AP3B2: variants seen among roughly 807,000 people sequenced by gnomAD.
AP3B2 encodes the protein adaptor related protein complex 3 subunit beta 2.
AP3B2 carries 50 observed loss-of-function variants against 126.9 expected under a neutral mutation model. The observed-to-expected ratio is 0.39, with a 90% CI of 0.31 to 0.50. The LOEUF is 0.50. Among genes scored for constraint, AP3B2 ranks in the 20% least tolerant of loss-of-function variants. AP3B2 has a pLI of 0.79. For synonymous variants in AP3B2, 541 were observed against 565.0 expected, an observed-to-expected ratio of 0.96 and a Z score of 0.60; for missense variants, 1,177 against 1,426.4, an observed-to-expected ratio of 0.83 and a Z score of 2.82.
chr15:82,662,752 C>T lies in AP3B2; in HGVS notation c.2775G>A (p.Leu925=), dbSNP rs1596166115. The T allele has an allele frequency of 6.2e-7, 1 of 1,613,896 alleles. No individual in the cohort carries two copies. ...CAGGCAGTTTGGGAGTGCCCACATG[C>T]AGGCCCTTGATGGGGGTATCAGAGC... The part of the protein sequence containing the change: ...SNSSDTPIKG[L]HVGTPKLPAG... The change falls in exon 23 of 27, where the codon CTG becomes CTA. Residue 925 remains leucine, a synonymous_variant. Coordinates refer to ENST00000535359, the MANE Select transcript of AP3B2 (RefSeq NM_001278512.2).
Position 82,665,221 on chromosome 15 carries a change from G to A in AP3B2, c.2028+26C>T. ...AGGGACACAGACAGGGCAGGGGAGA[G>A]AGCACACGTCACACGAAGGTGGGAC... On this transcript the variant is annotated intron_variant, in intron 17 of 26. Transcript: ENST00000535359. The surrounding 1 kb of genome is among the most constrained non-coding windows in gnomAD (Gnocchi z 4.4). 6.5e-7 allele frequency: 1 copy of A among 1,535,436 alleles called. No homozygotes were observed.
rs765046007 is a variant in AP3B2, at chr15:82,681,167, T to A, written c.533A>T (p.Asp178Val). ...GACTTCTATCAGCTGATCCTTCTGGTCAGAGTCCAAACTGAGGGAGAAATC... is the reference window on the plus strand; with the variant it reads ...GACTTCTATCAGCTGATCCTTCTGGACAGAGTCCAAACTGAGGGAGAAATC... ...AIPKLYSLDS[D>V]QKDQLIEVIE... Residue 178 changes from aspartate to valine, a missense_variant, in exon 6 of 27, where the codon GAC becomes GTC. Coordinates refer to ENST00000535359, the MANE Select transcript of AP3B2 (RefSeq NM_001278512.2). This position sits in a 1 kb window ranked among gnomAD's most constrained non-coding sequence, Gnocchi z 4.0. 6.2e-7 allele frequency: 1 copy of A among 1,611,906 alleles called. No homozygotes were observed. Among genetic ancestry groups the A allele is most frequent in the Non-Finnish European group, 8.5e-7 (1 of 1,179,032 alleles).
In AP3B2 at chr15:82,659,886, G is replaced by A. The variant is rs2151425307; in HGVS notation, c.3114C>T (p.Ala1038=). 1 of 1,613,984 alleles carries A rather than the reference G, an allele frequency of 6.2e-7. No homozygotes were observed. Among genetic ancestry groups the A allele is most frequent in the Non-Finnish European group, 8.5e-7 (1 of 1,179,886 alleles). The change falls in exon 26 of 27, where the codon GCC becomes GCT. Residue 1038 remains alanine (A), a synonymous_variant. Coordinates refer to ENST00000535359, the MANE Select transcript of AP3B2 (RefSeq NM_001278512.2). ...HIVVQKVTAT[A]NLGRVPCGTS... ...TCCCACAAGGAACACGACCCAGGTT[G>A]GCAGTGGCAGTCACTTTCTGCACCA...
chr15:82,689,497 G>A (rs878984208), intron 1 of AP3B2, 44 bp from the exon 2 acceptor site: 1 of 1,584,270 alleles, frequency 6.3e-7, no homozygotes, highest in Non-Finnish European at 8.6e-7. Flanking sequence ...CAAGGGTGGG[G>A]ATGGGGTATT....
At position 82,665,671 on chromosome 15, in the gene AP3B2, A is replaced by C; in HGVS notation, c.1853-96T>G. ...GGGCTGGGTGGTGATTCTGGTTGGG[A>C]CTTCCCAGGTGGGTAGGGGAAGGAG... On this transcript the variant is annotated intron_variant, in intron 15 of 26. Transcript: ENST00000535359. This position sits in a 1 kb window ranked among gnomAD's most constrained non-coding sequence, Gnocchi z 4.4. 1 of 920,628 alleles carries C rather than the reference A, an allele frequency of 1.1e-6. No homozygotes were observed. Among genetic ancestry groups the C allele is most frequent in the Admixed American group, 2.0e-5 (1 of 50,436 alleles). The allele number at this position is 920,628 out of a possible 1,614,324, so 57.0% of individuals were successfully genotyped here.
At chr15:82,662,436 C>G in intron 23 of AP3B2, 184 bp from the exon 24 acceptor site, 1 of 650,112 alleles carries the variant, frequency 1.5e-6, no homozygotes, top group Non-Finnish European at 2.7e-6. Flanking sequence ...ACCCTTTCCC[C>G]CACTCACCCT....
chr15:82,671,741 C>CAAAA lies in AP3B2; in HGVS notation c.1665+4716_1665+4719dup, dbSNP rs33972329. Among the ~76,000 whole-genome samples, 104 of 142,538 alleles carry CAAAA rather than the reference C, an allele frequency of 7.3e-4. 1 individual carries two copies. Among genetic ancestry groups the CAAAA allele is most frequent in the South Asian group, 1.8e-3 (8 of 4,448 alleles). The allele number at this position is 142,538 out of a possible 152,430, so 93.5% of individuals were successfully genotyped here. A position where few individuals can be genotyped will look rare whatever the true frequency, so the allele number is the denominator to read the frequency against. On this transcript the variant is annotated intron_variant, in intron 14 of 26. Coordinates refer to ENST00000535359, the MANE Select transcript of AP3B2 (RefSeq NM_001278512.2). ...GGGAAAAAAGAGTGAAACACCATCT[C>CAAAA]AAAAAAAAACACTACAAATAGGCCA...
chr15:82,664,868 C>A lies in AP3B2; in HGVS notation c.2104G>T (p.Gly702Trp). 6.2e-7 allele frequency: 1 copy of A among 1,602,616 alleles called. No individual in the cohort carries two copies. The highest frequency in any genetic ancestry group is 8.5e-7 in the Non-Finnish European group (1 of 1,174,656). Reference sequence around the variant, plus strand: ...GCGGACTCCGTGGGGCCTGACTCCCCCTCAGAGTCCGAGTAGAAGGGTTTT... The same window carrying A: ...GCGGACTCCGTGGGGCCTGACTCCCACTCAGAGTCCGAGTAGAAGGGTTTT... The part of the protein sequence containing the change: ...KEKPFYSDSE[G>W]ESGPTESADS... The change falls in exon 18 of 27, where the codon GGG (glycine) becomes TGG (tryptophan). Residue 702 changes from glycine (G) to tryptophan (W), a missense_variant. This residue lies in a region of AP3B2 where 587 missense variants were observed against 571.3 expected (regional missense o/e 1.03). Coordinates refer to ENST00000535359, the MANE Select transcript of AP3B2 (RefSeq NM_001278512.2). The surrounding 1 kb of genome is among the most constrained non-coding windows in gnomAD (Gnocchi z 4.5).
chr15:82,699,021 C>G (rs776006092), intron 1 of AP3B2, among the ~76,000 whole-genome samples: 1 of 152,176 alleles, frequency 6.6e-6, no homozygotes, highest in Non-Finnish European at 1.5e-5. Flanking sequence ...ACTTCTGTTC[C>G]CAAGAGGCAG....
rs2047996251 is a variant in AP3B2 at position 82,663,615 on chromosome 15, G to T, written c.2442C>A (p.Pro814=). 3 of 1,613,788 alleles carry T rather than the reference G, an allele frequency of 1.9e-6. No individual in the cohort carries two copies. The Admixed American group carries it at 5.0e-5, about 27-fold the overall frequency. The part of the protein sequence containing the change: ...EPASWSRKTP[P]SSKSAPATKE... ...TGGTTGCAGGAGCACTTTTGCTGCT[G>T]GGAGGCTGAAAGAGAAAAATGGGAT... The change falls in exon 21 of 27, where the codon CCC becomes CCA. Residue 814 remains proline, a synonymous_variant. Transcript: ENST00000535359.
rs753857655 is a variant in AP3B2 at position 82,680,717 on chromosome 15, G to A, written c.810C>T (p.Tyr270=). ...LLEENAEKAF[Y]GSEEDEAKGA... is the part of the protein sequence containing the mutation. ...CCTTGGCCTCGTCCTCCTCTGAGCC[G>A]TAGAAGGCTTTTTCCGCGTTCTCCT... Residue 270 remains tyrosine, a synonymous_variant, in exon 8 of 27, where the codon TAC becomes TAT. Coordinates refer to ENST00000535359, the MANE Select transcript of AP3B2 (RefSeq NM_001278512.2). This position sits in a 1 kb window ranked among gnomAD's most constrained non-coding sequence, Gnocchi z 6.1. The A allele has an allele frequency of 6.4e-7, 1 of 1,567,184 alleles. No homozygotes were observed. Among genetic ancestry groups the A allele is most frequent in the Non-Finnish European group, 8.6e-7 (1 of 1,160,886 alleles).
rs764375032 is a variant in AP3B2 at position 82,680,921 on chromosome 15, G to A, written c.687C>T (p.Ile229=). ...CCACCTGGCCCCACTCCTCCACGTC[G>A]ATCAGCAGGTTACAGAGTTTCCGGT... ...KNYRKLCNLL[I]DVEEWGQVVI... Residue 229 remains isoleucine (I), a synonymous_variant, in exon 7 of 27, where the codon ATC becomes ATT. Coordinates refer to ENST00000535359, the MANE Select transcript of AP3B2 (RefSeq NM_001278512.2). The surrounding 1 kb of genome is among the most constrained non-coding windows in gnomAD (Gnocchi z 6.1). The A allele has an allele frequency of 1.2e-6, 2 of 1,613,834 alleles. No individual in the cohort carries two copies. Among genetic ancestry groups the A allele is most frequent in the African/African-American group, 2.7e-5 (2 of 74,912 alleles).
intron 1 of AP3B2, among the ~76,000 whole-genome samples, chr15:82,707,606 C>T (rs1255082778): frequency 6.6e-6 from 1 of 152,164 alleles, no homozygotes; most frequent in Admixed American, 6.5e-5. Flanking sequence ...GTCTTAACTC[C>T]CTCTTAAAGT....
Position 82,680,347 on chromosome 15 carries a change from T to C in AP3B2, c.1056-118A>G. 2 of 1,521,436 alleles carry C rather than the reference T, an allele frequency of 1.3e-6. No individual in the cohort carries two copies. The highest frequency in any genetic ancestry group is 2.4e-5 in the East Asian group (1 of 42,440). The allele number at this position is 1,521,436 out of a possible 1,614,324, so 94.2% of individuals were successfully genotyped here. A position where few individuals can be genotyped will look rare whatever the true frequency, so the allele number is the denominator to read the frequency against. ...AGAGGACCAGTGCGGAGGGCAGGAC[T>C]ACGGTCAGTGTGGAGCGGGTGGGCA... is the stretch of plus-strand genomic sequence containing the variant. On this transcript the variant is annotated intron_variant, in intron 8 of 26. Transcript: ENST00000535359. The surrounding 1 kb of genome is among the most constrained non-coding windows in gnomAD (Gnocchi z 6.1).
At chr15:82,697,511 TGA>T (rs1327009804) in intron 1 of AP3B2, among the ~76,000 whole-genome samples, 1 of 152,092 alleles carries the variant, frequency 6.6e-6, no homozygotes, top group Non-Finnish European at 1.5e-5. Context: ...TGATGAATGC[TGA>T]GAGGAAGAGA....
At chr15:82,693,004 A>G (rs2063545715) in intron 1 of AP3B2, among the ~76,000 whole-genome samples, 1 of 152,118 alleles carries the variant, frequency 6.6e-6, no homozygotes, top group Non-Finnish European at 1.5e-5. Context: ...TCCAAAGAAT[A>G]TTTTTGGGAA....
At position 82,680,187 on chromosome 15, in the gene AP3B2, G is replaced by A; in HGVS notation, c.1098C>T (p.Ser366=). The part of the protein sequence containing the change: ...YVVLQNVATM[S]IKRRGMFEPY... ...GTCGCAGGCTCACCCGGCGCTTGAT[G>A]GACATGGTGGCCACGTTCTGGAGCA... Residue 366 remains serine, a synonymous_variant, in exon 9 of 27, where the codon TCC becomes TCT. Transcript: ENST00000535359. This position sits in a 1 kb window ranked among gnomAD's most constrained non-coding sequence, Gnocchi z 6.1. The A allele has an allele frequency of 6.2e-7, 1 of 1,613,524 alleles. No individual in the cohort carries two copies. The highest frequency in any genetic ancestry group is 1.1e-5 in the South Asian group (1 of 91,078).
At chr15:82,666,423 G>A (rs2048059592) in intron 15 of AP3B2, among the ~76,000 whole-genome samples, 1 of 152,200 alleles carries the variant, frequency 6.6e-6, no homozygotes, top group South Asian at 2.1e-4. Flanking sequence ...CTGGGTCCTT[G>A]GTATTTAAGA....
intron 25 of AP3B2, among the ~76,000 whole-genome samples, chr15:82,660,546 C>T (rs2047923443): frequency 6.6e-6 from 1 of 152,164 alleles, no homozygotes; most frequent in Admixed American, 6.5e-5. Flanking sequence ...ACAGCACCCC[C>T]AGAACTCCTC....
Sources: allele counts gnomAD v4.1 joint callset (sites outside exome capture counted in the v4.1 genomes callset), GRCh38; gene constraint gnomAD v4.1.1; regional missense constraint gnomAD v4.1.1; non-coding constraint Gnocchi (gnomAD v3.1); transcripts MANE v1.5; gene names NCBI Gene and HGNC (gene_info 2026-07-23, HGNC 2026-07-21).